The following ROS1 variants were observed in gnomAD, a reference collection of about 807,000 sequenced individuals.
The protein encoded by ROS1 is ROS proto-oncogene 1, receptor tyrosine kinase, also known as proto-oncogene tyrosine-protein kinase ROS.
In ROS1, 263 loss-of-function variants were observed where a neutral mutation model predicts 273.5. The ratio of observed to expected loss-of-function variants is 0.96; its 90% CI spans 0.87 to 1.06. The LOEUF is 1.06. ROS1 is among the 50% of genes least tolerant of loss of function. The pLI is 0.00. For missense variants in ROS1, 2,833 were observed against 2,751.1 expected, an observed-to-expected ratio of 1.03 and a Z score of -0.67; for synonymous variants, 1,008 against 954.1, an observed-to-expected ratio of 1.06 and a Z score of -1.04.
chr6:117,368,692 T>A (rs1437195047), intron 18 of ROS1, among the ~76,000 whole-genome samples: 1 of 152,132 alleles, frequency 6.6e-6, no homozygotes, highest in Non-Finnish European at 1.5e-5. Context: ...GAATCACGTA[T>A]AATATATTAA....
At chr6:117,314,934 T>C (rs1285456373) in intron 39 of ROS1, among the ~76,000 whole-genome samples, 1 of 152,072 alleles carries the variant, frequency 6.6e-6, no homozygotes, top group Non-Finnish European at 1.5e-5. Flanking sequence ...CCAAGAATAC[T>C]AAACATTTGA....
chr6:117,396,542 G>C lies in ROS1; in HGVS notation c.807-278C>G, dbSNP rs183460061. Among the ~76,000 whole-genome samples the C allele has an allele frequency of 2.5e-3, 383 of 152,134 alleles. 8 individuals carry two copies. Among genetic ancestry groups the C allele is most frequent in the Non-Finnish European group, 3.4e-4 (23 of 67,980 alleles). The stretch of plus-strand genomic sequence containing the variant: ...TTTAAAGAGGCTCTAGTAAATGATA[G>C]AAAAGCTAACAATAATAAAATAATT... On this transcript the variant is annotated intron_variant, in intron 8 of 43. Coordinates refer to ENST00000368507, the MANE Select transcript of ROS1 (RefSeq NM_001378902.1).
At chr6:117,352,924 G>A (rs9481703) in intron 27 of ROS1, 66 bp downstream of exon 27, 322,143 of 1,424,138 alleles carry the variant, frequency 0.23, 38,525 homozygotes, top group Admixed American at 0.41. Flanking sequence ...TGGAGAAGGA[G>A]ATGTTATGAG....
intron 24 of ROS1, among the ~76,000 whole-genome samples, 157 bp downstream of exon 24, chr6:117,359,626 TGTTGAATGACATTTGCCCAAAATGTA>T (rs1398313114): frequency 1.3e-5 from 2 of 152,172 alleles, no homozygotes; most frequent in Non-Finnish European, 2.9e-5. Flanking sequence ...GCTAACTGAG[TGTTGAATGACATTTGCCCAAAATGTA>T]GTCTGTATTC....
intron 27 of ROS1, among the ~76,000 whole-genome samples, chr6:117,345,992 G>C (rs554331548): frequency 1.3e-5 from 2 of 152,174 alleles, no homozygotes; most frequent in Non-Finnish European, 2.9e-5. Context: ...CATTTGGAAA[G>C]TATGGGGGTT....
At chr6:117,326,671 A>G (rs142680662) in intron 33 of ROS1, among the ~76,000 whole-genome samples, 1 of 152,246 alleles carries the variant, frequency 6.6e-6, no homozygotes, top group African/African-American at 2.4e-5. Flanking sequence ...AGAGCTGAGT[A>G]CCTTTTTCCT....
Position 117,356,705 on chromosome 6 carries a change from G to A in ROS1, c.4050C>T (p.Ala1350=), listed in dbSNP as rs1262355943. ...SNLEKPLIYF[A]KAQEIWAMDL... Reference sequence around the variant, plus strand: ...CCATTGCCCAGATCTCTTGTGCTTTGGCAAAGTATATCAATGGTTTCTCTA... The same window carrying A: ...CCATTGCCCAGATCTCTTGTGCTTTAGCAAAGTATATCAATGGTTTCTCTA... The change falls in exon 26 of 44, where the codon GCC becomes GCT. Residue 1350 remains alanine, a synonymous_variant. Transcript: ENST00000368507. 2 of 1,614,104 alleles carry A rather than the reference G, an allele frequency of 1.2e-6. No homozygotes were observed. The highest frequency in any genetic ancestry group is 1.7e-6 in the Non-Finnish European group (2 of 1,180,008).
At chr6:117,362,482 G>C in intron 22 of ROS1, 121 bp downstream of exon 22, 1 of 832,480 alleles carries the variant, frequency 1.2e-6, no homozygotes, top group Non-Finnish European at 1.8e-6. Context: ...AACTATAGTG[G>C]CCAATCAAAA....
intron 20 of ROS1, 147 bp downstream of exon 20, chr6:117,365,434 G>A: frequency 1.3e-6 from 1 of 775,520 alleles, no homozygotes; most frequent in Non-Finnish European, 2.1e-6. Context: ...AAGTCTTCTG[G>A]GGAATAATCT....
At chr6:117,391,646 A>C (rs1773077400) in intron 12 of ROS1, among the ~76,000 whole-genome samples, 1 of 152,218 alleles carries the variant, frequency 6.6e-6, no homozygotes, top group African/African-American at 2.4e-5. Context: ...GCTGAAAGTT[A>C]CATGCTGATT....
At chr6:117,307,574 C>T (rs1039502877) in intron 42 of ROS1, among the ~76,000 whole-genome samples, 7 of 151,984 alleles carry the variant, frequency 4.6e-5, no homozygotes, top group African/African-American at 1.7e-4. Context: ...CCCATTTCCC[C>T]CCAAAATGAT....
At chr6:117,376,300 G>A (rs1015397403) in intron 18 of ROS1, among the ~76,000 whole-genome samples, 12 of 152,036 alleles carry the variant, frequency 7.9e-5, no homozygotes, top group African/African-American at 2.9e-4. Context: ...TACCAAACTG[G>A]CTCAAGAAGA....
At chr6:117,416,780 C>T (rs1231166466) in intron 2 of ROS1, among the ~76,000 whole-genome samples, 1 of 152,110 alleles carries the variant, frequency 6.6e-6, no homozygotes, top group African/African-American at 2.4e-5. Context: ...AGTCGGCTGC[C>T]TACTAGCACC....
intron 37 of ROS1, among the ~76,000 whole-genome samples, chr6:117,319,493 T>G (rs1339511146): frequency 6.6e-6 from 1 of 152,150 alleles, no homozygotes; most frequent in Non-Finnish European, 1.5e-5. Context: ...GTCTGTATGG[T>G]CAGCAAGCCT....
intron 21 of ROS1, 36 bp downstream of exon 21, chr6:117,365,024 T>A: frequency 1.3e-6 from 2 of 1,597,238 alleles, no homozygotes; most frequent in Non-Finnish European, 1.7e-6. Context: ...GAGATTCTGC[T>A]TTTTTAAGAA....
intron 27 of ROS1, among the ~76,000 whole-genome samples, chr6:117,346,686 C>T (rs538527009): frequency 6.6e-6 from 1 of 152,192 alleles, no homozygotes; most frequent in African/African-American, 2.4e-5. Flanking sequence ...TAACTTTCCC[C>T]CATTATCAAT....
At chr6:117,383,093 A>G (rs1562341883) in intron 17 of ROS1, among the ~76,000 whole-genome samples, 1 of 152,144 alleles carries the variant, frequency 6.6e-6, no homozygotes, top group Non-Finnish European at 1.5e-5. Context: ...GTGCATTTGA[A>G]CTTACATAAT....
At chr6:117,372,661 G>A (rs1582773081) in intron 18 of ROS1, among the ~76,000 whole-genome samples, 1 of 152,134 alleles carries the variant, frequency 6.6e-6, no homozygotes, top group East Asian at 1.9e-4. Flanking sequence ...TTAAGGTGGC[G>A]CATCTGGAGT....
Position 117,356,716 on chromosome 6 carries a change from T to C in ROS1, c.4039A>G (p.Ile1347Val), listed in dbSNP as rs923571332. Residue 1347 changes from isoleucine (I) to valine (V), a missense_variant, in exon 26 of 44, where the codon ATA becomes GTA. Coordinates refer to ENST00000368507, the MANE Select transcript of ROS1 (RefSeq NM_001378902.1). ...IDTSNLEKPL[I>V]YFAKAQEIWA... ...ATCTCTTGTGCTTTGGCAAAGTATA[T>C]CAATGGTTTCTCTAGGTTAGAGGTA... 1 of 1,614,146 alleles carries C rather than the reference T, an allele frequency of 6.2e-7. No homozygotes were observed.
Sources: gnomAD v4.1 joint callset for allele counts (sites outside exome capture counted in the v4.1 genomes callset) on GRCh38, gnomAD v4.1.1 for gene constraint, MANE v1.5 for transcripts, NCBI Gene and HGNC (gene_info 2026-07-23, HGNC 2026-07-21) for gene names.